Variants in FOXP2 observed in about 807,000 individuals in gnomAD.
FOXP2 encodes forkhead box P2.
Under a neutral mutation model 115.8 loss-of-function variants are expected in FOXP2, and 12 were observed. The ratio of observed to expected loss-of-function variants is 0.10; its 90% confidence interval spans 0.07 to 0.17. The LOEUF (loss-of-function observed/expected upper bound fraction) is 0.17. FOXP2 is among the 10% of genes least tolerant of loss of function. The pLI is 1.00. For synonymous variants in FOXP2, 328 were observed against 297.7 expected (o/e 1.10, Z -1.05); for missense variants, 629 against 843.5 (o/e 0.75, Z 3.15).
intron 3 of FOXP2, among the ~76,000 whole-genome samples, chr7:114,546,002 C>T (rs1799907173): frequency 6.6e-6 from 1 of 152,128 alleles, no homozygotes; most frequent in South Asian, 2.1e-4. Context: ...TTCTTGAGGG[C>T]CAAGACTGTG....
chr7:114,405,563 A>G (rs2129197554), intron 2 of FOXP2, among the ~76,000 whole-genome samples: 1 of 152,052 alleles, frequency 6.6e-6, no homozygotes, highest in East Asian at 1.9e-4. Context: ...AGGTCAGATA[A>G]TGTGTAATAA....
chr7:114,194,926 G>T (rs1422916510), intron 1 of FOXP2, among the ~76,000 whole-genome samples: 1 of 152,008 alleles, frequency 6.6e-6, no homozygotes, highest in Non-Finnish European at 1.5e-5. Flanking sequence ...TTGCAAAATT[G>T]CTTTATGTGT....
At chr7:114,566,442 C>T (rs932683624) in intron 3 of FOXP2, among the ~76,000 whole-genome samples, 8 of 152,050 alleles carry the variant, frequency 5.3e-5, no homozygotes, top group African/African-American at 1.9e-4. Context: ...TGATCTCTCA[C>T]TCTACTAGTT....
At chr7:114,246,549 G>T (rs1189925401) in intron 1 of FOXP2, among the ~76,000 whole-genome samples, 1 of 151,942 alleles carries the variant, frequency 6.6e-6, no homozygotes, top group East Asian at 1.9e-4. Flanking sequence ...TGGAACTTAT[G>T]GTATTGAGTA....
intron 3 of FOXP2, among the ~76,000 whole-genome samples, chr7:114,539,342 C>G (rs1799546405): frequency 6.6e-6 from 1 of 151,770 alleles, no homozygotes; most frequent in Non-Finnish European, 1.5e-5. Flanking sequence ...TTCAATATTA[C>G]TTTTAAATAT....
intron 8 of FOXP2, among the ~76,000 whole-genome samples, chr7:114,646,472 TG>T (rs146649201): frequency 0.011 from 1,749 of 152,200 alleles, 32 homozygotes; most frequent in African/African-American, 0.039. Context: ...TTCATGCCAG[TG>T]TTTTTTAAAA....
intron 2 of FOXP2, among the ~76,000 whole-genome samples, chr7:114,495,727 G>A (rs1268989417): frequency 6.6e-6 from 1 of 151,644 alleles, no homozygotes; most frequent in African/African-American, 2.4e-5. Flanking sequence ...GGCTGATCTT[G>A]AACTCCTGAC....
intron 1 of FOXP2, among the ~76,000 whole-genome samples, chr7:114,198,132 G>A (rs748894194): frequency 5.3e-5 from 8 of 152,082 alleles, no homozygotes; most frequent in Non-Finnish European, 1.0e-4. Flanking sequence ...CCAAAGTTCT[G>A]GGATTACAGG....
intron 2 of FOXP2, among the ~76,000 whole-genome samples, chr7:114,402,299 A>G (rs573562058): frequency 6.6e-6 from 1 of 152,274 alleles, no homozygotes; most frequent in South Asian, 2.1e-4. Context: ...ATAAATTAAG[A>G]GGAAGATATA....
rs371605724 is a variant in FOXP2 at position 114,541,745 on chromosome 7, T to C, written c.258+7039T>C. Among the ~76,000 whole-genome samples the C allele has an allele frequency of 3.3e-5, 5 of 151,468 alleles. No homozygotes were observed. The South Asian group carries it at 1.0e-3, about 32-fold the overall frequency. ...TAAATTAAATATGGAAGAACTTTGC[T>C]ATCTAGGAGGCCAAATTTTCGCTTT... On this transcript the variant is annotated intron_variant, in intron 3 of 16. Coordinates refer to ENST00000350908, the MANE Select transcript of FOXP2 (RefSeq NM_014491.4).
chr7:114,256,084 T>C (rs1468414515), intron 1 of FOXP2, among the ~76,000 whole-genome samples: 1 of 152,144 alleles, frequency 6.6e-6, no homozygotes, highest in Non-Finnish European at 1.5e-5. Context: ...TCATTGCCAT[T>C]CTGATTGGCA....
chr7:114,547,686 G>A (rs1799998710), intron 3 of FOXP2, among the ~76,000 whole-genome samples: 1 of 152,064 alleles, frequency 6.6e-6, no homozygotes, highest in Non-Finnish European at 1.5e-5. Context: ...TCAAACCCGG[G>A]AGGCGGAGGT....
At chr7:114,551,240 C>A (rs1363893147) in intron 3 of FOXP2, among the ~76,000 whole-genome samples, 1 of 152,110 alleles carries the variant, frequency 6.6e-6, no homozygotes, top group Admixed American at 6.5e-5. Flanking sequence ...TGACTAAATG[C>A]CCTCGGTATG....
chr7:114,628,973 G>T, intron 4 of FOXP2: 1 of 336,904 alleles, frequency 3.0e-6, no homozygotes, highest in Non-Finnish European at 5.6e-6. Flanking sequence ...TTGTTGACTT[G>T]CCAAAAAAAT....
chr7:114,551,103 A>C lies in FOXP2; in HGVS notation c.258+16397A>C, dbSNP rs569928179. Among the ~76,000 whole-genome samples the C allele has an allele frequency of 1.5e-3, 225 of 152,320 alleles. 1 individual carries two copies. The highest frequency in any genetic ancestry group is 5.0e-3 in the African/African-American group (208 of 41,566). On this transcript the variant is annotated intron_variant, in intron 3 of 16. Transcript: ENST00000350908. ...AATCCACAGAATTTCATGTGAAACA[A>C]ATGATTATCATGCTCCAGAGGAAAA...
At chr7:114,163,331 G>A (rs977459302) in intron 1 of FOXP2, among the ~76,000 whole-genome samples, 1 of 151,980 alleles carries the variant, frequency 6.6e-6, no homozygotes, top group Non-Finnish European at 1.5e-5. Context: ...TTCTGATAGA[G>A]AGCCGTTAAG....
chr7:114,209,057 G>C (rs1189847740), intron 1 of FOXP2, among the ~76,000 whole-genome samples: 1 of 152,134 alleles, frequency 6.6e-6, no homozygotes, highest in Non-Finnish European at 1.5e-5. Flanking sequence ...TTGAATTGTA[G>C]TTCCCATAAT....
rs74878988 is a variant in FOXP2 at position 114,185,566 on chromosome 7, A to G, written c.-102+22478A>G. On this transcript the variant is annotated intron_variant, in intron 1 of 17. Transcript: ENST00000634411. ...TTATTATTGTTTATCCCAGAGTGGT[A>G]TCACAGAGTGAAATGTCCATGTTCA... Among the ~76,000 whole-genome samples the G allele has an allele frequency of 8.9e-4, 136 of 152,322 alleles. No homozygotes were observed. The East Asian group carries it at 0.023, about 26-fold the overall frequency.
chr7:114,449,985 G>T (rs1234480372), intron 2 of FOXP2, among the ~76,000 whole-genome samples: 1 of 151,878 alleles, frequency 6.6e-6, no homozygotes, highest in Non-Finnish European at 1.5e-5. Context: ...ATGCATTTAT[G>T]TACTAAATTG....
Sources: allele counts gnomAD v4.1 joint callset (sites outside exome capture counted in the v4.1 genomes callset), GRCh38; gene constraint gnomAD v4.1.1; transcripts MANE v1.5; gene names NCBI Gene and HGNC (gene_info 2026-07-23, HGNC 2026-07-21).